The following KSR2 variants were observed in gnomAD, a reference collection of about 807,000 sequenced individuals.
KSR2 encodes kinase suppressor of ras 2.
A neutral mutation model predicts 107.8 loss-of-function variants in KSR2; 25 were observed. That is an observed-to-expected ratio of 0.23 (90% confidence interval 0.17 to 0.32). The LOEUF (loss-of-function observed/expected upper bound fraction) is 0.32. Ranked by LOEUF, KSR2 falls within the 10% of genes least tolerant of loss-of-function variation. The pLI, the probability that KSR2 is intolerant of heterozygous loss-of-function variation, is 1.00. For synonymous variants in KSR2, 480 were observed against 507.0 expected, an observed-to-expected ratio of 0.95 and a Z score of 0.71; for missense variants, 887 against 1,268.9, an observed-to-expected ratio of 0.70 and a Z score of 4.57.
In KSR2 at chr12:117,524,997, G is replaced by A; in HGVS notation, c.2074C>T (p.Arg692Trp). The change falls in exon 14 of 20, where the codon CGG (arginine) becomes TGG (tryptophan). Residue 692 changes from arginine to tryptophan, a missense_variant. Physicochemically the swap from Arg to Trp is moderately radical, Grantham distance 101 (BLOSUM62 -3). Transcript: ENST00000339824. ...TTGTCCCTCTCAATGTCAATCAGCC[G>A]GATGGCCACCTCGCCATGCCAGCGG... ...HGRWHGEVAI[R>W]LIDIERDNED... is the part of the protein sequence containing the mutation. 6.2e-7 allele frequency: 1 copy of A among 1,613,892 alleles called. No homozygotes were observed. The highest frequency in any genetic ancestry group is 8.5e-7 in the Non-Finnish European group (1 of 1,179,876).
At chr12:117,778,229 T>A (rs890458742) in intron 3 of KSR2, among the ~76,000 whole-genome samples, 1 of 152,090 alleles carries the variant, frequency 6.6e-6, no homozygotes, top group Non-Finnish European at 1.5e-5. Flanking sequence ...TAGCTGGGAT[T>A]ACAGGTGTGA....
chr12:117,579,086 T>G, intron 7 of KSR2, 33 bp downstream of exon 7: 1 of 1,523,464 alleles, frequency 6.6e-7, no homozygotes, highest in Non-Finnish European at 9.1e-7. Flanking sequence ...CATCGGGTGC[T>G]GCGAAAAGTC....
intron 1 of KSR2, among the ~76,000 whole-genome samples, chr12:117,905,502 G>C (rs1250977008): frequency 6.6e-6 from 1 of 152,150 alleles, no homozygotes; most frequent in East Asian, 1.9e-4. Context: ...TTCACCTCTA[G>C]AACCAGCAAA....
intron 1 of KSR2, among the ~76,000 whole-genome samples, chr12:117,931,548 A>G (rs1260956505): frequency 6.6e-6 from 1 of 152,156 alleles, no homozygotes; most frequent in Non-Finnish European, 1.5e-5. Flanking sequence ...ACCCAGTCCA[A>G]ACCACTGCTA....
At chr12:117,690,494 G>A (rs1396890831) in intron 4 of KSR2, among the ~76,000 whole-genome samples, 1 of 151,402 alleles carries the variant, frequency 6.6e-6, no homozygotes, top group Non-Finnish European at 1.5e-5. Flanking sequence ...AAACCTGGGA[G>A]GCGGAGGTTG....
intron 1 of KSR2, among the ~76,000 whole-genome samples, chr12:117,950,744 A>AT (rs1201938359): frequency 1.7e-4 from 19 of 111,954 alleles, no homozygotes; most frequent in South Asian, 1.1e-3. Flanking sequence ...CTGTAAAAAA[A>AT]AAAAAAATAA....
At chr12:117,471,677 G>A (rs1288596026) in intron 17 of KSR2, among the ~76,000 whole-genome samples, 1 of 152,004 alleles carries the variant, frequency 6.6e-6, no homozygotes, top group African/African-American at 2.4e-5. Flanking sequence ...TTGAAAAAAA[G>A]TAAAAATAAC....
At chr12:117,776,054 T>G (rs1889673898) in intron 3 of KSR2, among the ~76,000 whole-genome samples, 1 of 152,028 alleles carries the variant, frequency 6.6e-6, no homozygotes, top group South Asian at 2.1e-4. Flanking sequence ...TGTAACCAAG[T>G]ACCACCTGTT....
rs575916057 is a variant in KSR2, at chr12:117,860,224, C to T, written c.321+67G>A. ...TGGGCACAGCCAGAAACCTGCAGCT[C>T]AAGAGCAACACAGGGGGTAGCTGCT... On this transcript the variant is annotated intron_variant, in intron 2 of 19. Coordinates refer to ENST00000339824, the MANE Select transcript of KSR2 (RefSeq NM_173598.6). The T allele has an allele frequency of 5.4e-5, 83 of 1,538,942 alleles. 2 individuals are homozygous for T. The South Asian group carries it at 9.2e-4, about 17-fold the overall frequency.
chr12:117,715,720 A>T (rs189930860), intron 4 of KSR2, among the ~76,000 whole-genome samples: 23 of 152,314 alleles, frequency 1.5e-4, no homozygotes, highest in Non-Finnish European at 2.4e-4. Flanking sequence ...GCCACAGACA[A>T]TACAAAATGA....
chr12:117,546,114 G>A (rs534797859), intron 9 of KSR2, among the ~76,000 whole-genome samples: 1 of 152,186 alleles, frequency 6.6e-6, no homozygotes, highest in South Asian at 2.1e-4. Flanking sequence ...CTTCTTTTCT[G>A]TTTAGAAAAT....
chr12:117,507,838 GC>G (rs1333907563), intron 14 of KSR2, among the ~76,000 whole-genome samples: 2 of 152,162 alleles, frequency 1.3e-5, no homozygotes, highest in Non-Finnish European at 2.9e-5. Context: ...GCAGTGAGCA[GC>G]CCCCACCCCC....
At chr12:117,912,707 C>G (rs1895054680) in intron 1 of KSR2, among the ~76,000 whole-genome samples, 1 of 152,136 alleles carries the variant, frequency 6.6e-6, no homozygotes, top group African/African-American at 2.4e-5. Context: ...CTTTTACATC[C>G]TGTCCAAGTG....
In KSR2 at chr12:117,631,711, T is replaced by C. The variant is rs1008202874; in HGVS notation, c.1171+35763A>G. Among the ~76,000 whole-genome samples the C allele has an allele frequency of 2.6e-5, 4 of 152,342 alleles. No homozygotes were observed. The East Asian group carries it at 7.7e-4, about 29-fold the overall frequency. On this transcript the variant is annotated intron_variant, in intron 5 of 19. Coordinates refer to ENST00000339824, the MANE Select transcript of KSR2 (RefSeq NM_173598.6). ...TGAAACCCCAGTGTTTGTCATGTAC[T>C]GATCAATAGGAAGAATCGAGTGACT...
At chr12:117,807,491 C>T (rs1891050074) in intron 3 of KSR2, among the ~76,000 whole-genome samples, 1 of 152,182 alleles carries the variant, frequency 6.6e-6, no homozygotes. Flanking sequence ...TGGGTTATCA[C>T]CAAATATCAG....
chr12:117,515,078 G>A (rs138726089), intron 14 of KSR2, among the ~76,000 whole-genome samples: 75 of 152,266 alleles, frequency 4.9e-4, no homozygotes, highest in South Asian at 4.1e-4. Flanking sequence ...TCACGACACC[G>A]TTGGAGAATC....
intron 11 of KSR2, 70 bp downstream of exon 11, chr12:117,531,596 A>G: frequency 7.3e-7 from 1 of 1,373,760 alleles, no homozygotes; most frequent in Admixed American, 1.9e-5. Flanking sequence ...GCCTCCATTC[A>G]TCCCAGAAAC....
intron 4 of KSR2, among the ~76,000 whole-genome samples, chr12:117,748,443 A>T (rs925788862): frequency 3.3e-5 from 5 of 152,204 alleles, no homozygotes; most frequent in Non-Finnish European, 7.3e-5. Context: ...TAAATTTGAA[A>T]TACTCTCATC....
chr12:117,532,693 G>C (rs995379344), intron 10 of KSR2, among the ~76,000 whole-genome samples: 1 of 151,982 alleles, frequency 6.6e-6, no homozygotes. Flanking sequence ...TAATCTACTC[G>C]CCAGAGGCCA....
Sources: allele counts gnomAD v4.1 joint callset (sites outside exome capture counted in the v4.1 genomes callset), GRCh38; gene constraint gnomAD v4.1.1; transcripts MANE v1.5; gene names NCBI Gene and HGNC (gene_info 2026-07-23, HGNC 2026-07-21).